Variants in DCDC1 observed in about 807,000 individuals in gnomAD.
DCDC1 encodes doublecortin domain-containing protein 1.
Under a neutral mutation model 178.3 loss-of-function variants are expected in DCDC1, and 200 were observed. The observed-to-expected ratio is 1.12, with a 90% confidence interval of 1.00 to 1.26. DCDC1 has a LOEUF of 1.26. DCDC1 is among the 50% of genes most tolerant of loss of function. The pLI, the probability that DCDC1 is intolerant of heterozygous loss-of-function variation, is 0.00. For synonymous variants in DCDC1, 690 were observed against 604.8 expected, an observed-to-expected ratio of 1.14 and a Z score of -2.07; for missense variants, 1,983 against 1,749.2, an observed-to-expected ratio of 1.13 and a Z score of -2.38.
intron 20 of DCDC1, among the ~76,000 whole-genome samples, chr11:31,046,883 T>C (rs192862938): frequency 6.6e-6 from 1 of 152,282 alleles, no homozygotes; most frequent in East Asian, 1.9e-4. Flanking sequence ...TGCATTATTG[T>C]TAGGGGAGCC....
At chr11:31,109,457 C>A (rs1959059896) in intron 12 of DCDC1, among the ~76,000 whole-genome samples, 1 of 152,106 alleles carries the variant, frequency 6.6e-6, no homozygotes, top group South Asian at 2.1e-4. Flanking sequence ...GGCTCTGGAT[C>A]CTTCTCTCTC....
chr11:31,213,177 G>C (rs940535768), intron 9 of DCDC1, among the ~76,000 whole-genome samples: 18 of 122,402 alleles, frequency 1.5e-4, no homozygotes, highest in Non-Finnish European at 2.3e-4. Context: ...TCTTTACCAG[G>C]GCAGTGGTTT....
At chr11:31,253,383 G>T (rs1446283498) in intron 8 of DCDC1, among the ~76,000 whole-genome samples, 1 of 147,194 alleles carries the variant, frequency 6.8e-6, no homozygotes, top group Non-Finnish European at 1.5e-5. Context: ...TTGAGATGGA[G>T]TCTTGCTCTG....
intron 1 of DCDC1, among the ~76,000 whole-genome samples, chr11:31,339,569 TA>T (rs1040008932): frequency 1.3e-5 from 2 of 152,126 alleles, no homozygotes; most frequent in African/African-American, 2.4e-5. Flanking sequence ...ATATTATAGT[TA>T]AAAAAAATTT....
rs148674037 is a variant in DCDC1, at chr11:30,887,684, C to T, written c.5082+5134G>A. Among the ~76,000 whole-genome samples, 368 of 152,244 alleles carry T rather than the reference C, an allele frequency of 2.4e-3. 1 individual carries two copies. Among genetic ancestry groups the T allele is most frequent in the Non-Finnish European group, 4.5e-3 (303 of 68,018 alleles). ...AGTATGTTAAACAGAAGCAACTTAA[C>T]GTAACTCTCCACAGGGCTTATTTCT... On this transcript the variant is annotated intron_variant, in intron 36 of 38. Transcript: ENST00000684477.
At position 30,863,927 on chromosome 11, in the gene DCDC1, G is replaced by A. The variant is rs1436645053; in HGVS notation, c.*1446C>T. The A allele has an allele frequency of 6.6e-6, 1 of 152,188 alleles. No homozygotes were observed. The highest frequency in any genetic ancestry group is 2.4e-5 in the African/African-American group (1 of 41,428). The allele number at this position is 152,188 out of a possible 1,614,324, so 9.4% of individuals were successfully genotyped here. A position where few individuals can be genotyped will look rare whatever the true frequency, so the allele number is the denominator to read the frequency against. On this transcript the variant is annotated 3_prime_UTR_variant, in exon 39 of 39. Transcript: ENST00000684477. ...GGATCACCTGAGGTCAGGAGTTTGAGACCAGCTTGACCAACAAGGTGAAAC... is the reference window on the plus strand; with the variant it reads ...GGATCACCTGAGGTCAGGAGTTTGAAACCAGCTTGACCAACAAGGTGAAAC...
In DCDC1 at chr11:30,992,420, A is replaced by C. The variant is rs570433876; in HGVS notation, c.2592-39852T>G. The C allele has an allele frequency of 3.9e-5, 6 of 152,334 alleles. No homozygotes were observed. The South Asian group carries it at 1.0e-3, about 26-fold the overall frequency. 9.4% of individuals were successfully genotyped at this position (152,334 alleles called of 1,614,324 possible). A position where few individuals can be genotyped will look rare whatever the true frequency, so the allele number is the denominator to read the frequency against. On this transcript the variant is annotated intron_variant, in intron 20 of 38. Coordinates refer to ENST00000684477, the MANE Select transcript of DCDC1 (RefSeq NM_001387274.1). ...GACTTCCAAGGAGTTATTTAAACCC[A>C]GACCCAGTGAGGCAGTCCTGCCAAA...
chr11:31,191,846 T>A (rs1026586542), intron 9 of DCDC1, among the ~76,000 whole-genome samples: 5 of 152,050 alleles, frequency 3.3e-5, no homozygotes, highest in Non-Finnish European at 5.9e-5. Flanking sequence ...TTTTCCTTTA[T>A]CTATCATGCC....
chr11:31,133,982 C>T (rs891379137), intron 10 of DCDC1, among the ~76,000 whole-genome samples: 1 of 152,178 alleles, frequency 6.6e-6, no homozygotes, highest in African/African-American at 2.4e-5. Flanking sequence ...GGACTACAGG[C>T]GTGAGCCACC....
intron 2 of DCDC1, among the ~76,000 whole-genome samples, chr11:31,329,044 G>C (rs1591774400): frequency 7.1e-6 from 1 of 141,844 alleles, no homozygotes; most frequent in African/African-American, 2.6e-5. Context: ...CAATTATGTG[G>C]CCTTGCCTTC....
intron 20 of DCDC1, among the ~76,000 whole-genome samples, chr11:31,035,658 C>G (rs1953977958): frequency 2.6e-5 from 4 of 152,214 alleles, no homozygotes; most frequent in Admixed American, 2.6e-4. Context: ...TGTTTCTCCA[C>G]TGTAAAATAA....
chr11:31,341,126 G>A (rs1205866723), intron 1 of DCDC1, among the ~76,000 whole-genome samples: 1 of 152,092 alleles, frequency 6.6e-6, no homozygotes, highest in Admixed American at 6.6e-5. Flanking sequence ...TTTTCTGCAG[G>A]TGACTCTGGC....
At chr11:30,877,059 G>A (rs1402819331) in intron 38 of DCDC1, among the ~76,000 whole-genome samples, 2 of 152,026 alleles carry the variant, frequency 1.3e-5, no homozygotes. Context: ...TCTGTAAAAG[G>A]GCAAATTGCT....
chr11:31,013,790 C>T (rs1267408215), intron 20 of DCDC1, among the ~76,000 whole-genome samples: 1 of 152,162 alleles, frequency 6.6e-6, no homozygotes, highest in Non-Finnish European at 1.5e-5. Flanking sequence ...ATTAATGATG[C>T]TTTCATTTTT....
intron 1 of DCDC1, among the ~76,000 whole-genome samples, chr11:31,342,831 A>C (rs182727988): frequency 6.6e-6 from 1 of 152,360 alleles, no homozygotes; most frequent in Non-Finnish European, 1.5e-5. Context: ...CGAAATTTGA[A>C]TATAACTATT....
chr11:31,346,384 A>C (rs1950812402), intron 1 of DCDC1, among the ~76,000 whole-genome samples: 1 of 150,806 alleles, frequency 6.6e-6, no homozygotes, highest in African/African-American at 2.5e-5. Context: ...GAATTGCTTG[A>C]ACCCGGGAGG....
Position 31,301,619 on chromosome 11 carries a change from A to G in DCDC1, c.754+3996T>C, listed in dbSNP as rs12360557. The stretch of plus-strand genomic sequence containing the variant: ...TGCATTTTTTGAAAAACAAAATATG[A>G]CAGAACATTTCATTATGGACGCAGA... On this transcript the variant is annotated intron_variant, in intron 6 of 38. Transcript: ENST00000684477. 7.8e-3 allele frequency among the ~76,000 whole-genome samples: 1,190 copies of G among 152,330 alleles called. 8 individuals carry two copies. The highest frequency in any genetic ancestry group is 0.013 in the Non-Finnish European group (862 of 68,022).
intron 9 of DCDC1, among the ~76,000 whole-genome samples, chr11:31,224,806 G>A (rs1054884483): frequency 5.9e-5 from 9 of 152,080 alleles, no homozygotes; most frequent in African/African-American, 2.2e-4. Context: ...GAACCACAAT[G>A]AGACACCACC....
intron 27 of DCDC1, among the ~76,000 whole-genome samples, chr11:30,912,279 ATTCTTTTTTTTTT>A (rs1408059665): frequency 1.3e-5 from 2 of 151,416 alleles, no homozygotes; most frequent in African/African-American, 4.9e-5. Flanking sequence ...AGTTTCAGGT[ATTCTTTTTTTTTT>A]TTCTTTTTTG....
Sources: gnomAD v4.1 joint callset for allele counts (sites outside exome capture counted in the v4.1 genomes callset) on GRCh38, gnomAD v4.1.1 for gene constraint, MANE v1.5 for transcripts, NCBI Gene and HGNC (gene_info 2026-07-23, HGNC 2026-07-21) for gene names.